The following DST variants were observed in gnomAD, a reference collection of about 807,000 sequenced individuals.
DST encodes bullous pemphigoid antigen.
DST carries 253 observed loss-of-function variants against 875.2 expected under a neutral mutation model. That is an observed-to-expected ratio of 0.29 (90% CI 0.26 to 0.32). DST has a LOEUF of 0.32. Among genes scored for constraint, DST ranks in the 10% least tolerant of loss-of-function variants. DST has a pLI of 1.00. For missense variants in DST, 8,287 were observed against 9,111.6 expected (o/e 0.91, Z 3.68); for synonymous variants, 3,124 against 3,197.1 (o/e 0.98, Z 0.77).
At chr6:56,791,539 C>T (rs1189857091) in intron 4 of DST, among the ~76,000 whole-genome samples, 1 of 152,134 alleles carries the variant, frequency 6.6e-6, no homozygotes, top group Non-Finnish European at 1.5e-5. Flanking sequence ...GTAATCCCCA[C>T]ACTTTGGGAG....
At chr6:56,720,626 C>A (rs1332849113) in intron 5 of DST, among the ~76,000 whole-genome samples, 3 of 152,090 alleles carry the variant, frequency 2.0e-5, no homozygotes, top group African/African-American at 7.2e-5. Flanking sequence ...ATCCATTTAA[C>A]CCTGAGTGGA....
rs111734437 is a variant in DST at position 56,489,965 on chromosome 6, T to C, written c.20758-356A>G. Among the ~76,000 whole-genome samples, 978 of 152,272 alleles carry C rather than the reference T, an allele frequency of 6.4e-3. 10 individuals carry two copies. Among genetic ancestry groups the C allele is most frequent in the African/African-American group, 0.022 (925 of 41,568 alleles). On this transcript the variant is annotated intron_variant, in intron 85 of 103. Transcript: ENST00000680361. ...CAGAAAATGTTTTGTATTTTTGTTG[T>C]TGCTGTTGTTTACTGCTGTCTGTTG... is the stretch of plus-strand genomic sequence containing the variant.
chr6:56,610,889 A>T (rs1394828840), intron 38 of DST, among the ~76,000 whole-genome samples: 2 of 152,180 alleles, frequency 1.3e-5, no homozygotes, highest in African/African-American at 4.8e-5. Context: ...AAAAGGGACA[A>T]TAAGGTACCA....
chr6:56,462,524 C>G (rs1330964760), intron 102 of DST, among the ~76,000 whole-genome samples: 4 of 152,186 alleles, frequency 2.6e-5, no homozygotes, highest in African/African-American at 7.2e-5. Context: ...TATGTCACAC[C>G]TGCCCAAAGT....
chr6:56,507,333 A>G (rs1042097268), intron 75 of DST, among the ~76,000 whole-genome samples: 45 of 152,212 alleles, frequency 3.0e-4, no homozygotes, highest in African/African-American at 1.1e-3. Context: ...TTCATTCAAC[A>G]AACACTGAAT....
In DST at chr6:56,714,503, T is replaced by C. The variant is rs973319414; in HGVS notation, c.688-10134A>G. On this transcript the variant is annotated intron_variant, in intron 5 of 103. Transcript: ENST00000680361. This position sits in a 1 kb window ranked among gnomAD's most constrained non-coding sequence, Gnocchi z 4.5. Reference sequence around the variant, plus strand: ...CTGCACTGATGTCTCTTACTAAAGCTGAAATCTAAGTGGAAGTTATTTTCT... The same window carrying C: ...CTGCACTGATGTCTCTTACTAAAGCCGAAATCTAAGTGGAAGTTATTTTCT... 6.6e-6 allele frequency among the ~76,000 whole-genome samples: 1 copy of C among 152,210 alleles called. No homozygotes were observed. The highest frequency in any genetic ancestry group is 2.4e-5 in the African/African-American group (1 of 41,456).
Position 56,529,980 on chromosome 6 carries a change from C to T in DST, c.17262G>A (p.Gln5754=). ...QASKLEEQIA[Q]HKALEDDIIN... ...TGTGTGATTTATATCTTACTTTGTG[C>T]TGTGCAATTTGTTCCTCAAGTTTAG... The change falls in exon 65 of 104, where the codon CAG becomes CAA. Residue 5754 remains glutamine (Q), a synonymous_variant. Coordinates refer to ENST00000680361, the MANE Select transcript of DST (RefSeq NM_001374736.1). 2 of 1,613,116 alleles carry T rather than the reference C, an allele frequency of 1.2e-6. No individual in the cohort carries two copies. Among genetic ancestry groups the T allele is most frequent in the Non-Finnish European group, 1.7e-6 (2 of 1,179,520 alleles).
Position 56,688,131 on chromosome 6 carries a change from C to T in DST, c.1047+11522G>A, listed in dbSNP as rs142162444. On this transcript the variant is annotated intron_variant, in intron 9 of 103. Coordinates refer to ENST00000680361, the MANE Select transcript of DST (RefSeq NM_001374736.1). ...TACAATTATTCTAAAACTATATTTT[C>T]ACAAACTGGTTATGAAATCTAAATG... Among the ~76,000 whole-genome samples the T allele has an allele frequency of 5.4e-3, 829 of 152,260 alleles. 3 individuals carry two copies. Among genetic ancestry groups the T allele is most frequent in the African/African-American group, 0.019 (789 of 41,550 alleles).
intron 3 of DST, among the ~76,000 whole-genome samples, chr6:56,861,398 ACT>A (rs1461299372): frequency 6.6e-6 from 1 of 151,888 alleles, no homozygotes; most frequent in Admixed American, 6.6e-5. Flanking sequence ...TTGGTGGAAA[ACT>A]CTGCTCAGGT....
At position 56,616,144 on chromosome 6, in the gene DST, C is replaced by T. The variant is rs767241595; in HGVS notation, c.4930-1660G>A. 5.9e-5 allele frequency: 95 copies of T among 1,614,066 alleles called. No homozygotes were observed. Among genetic ancestry groups the T allele is most frequent in the Non-Finnish European group, 7.5e-5 (89 of 1,180,034 alleles). ...CTGCAACAGGACTGTGCAAATCTTT[C>T]TTGGGGACTAACCGGCTCAGCAAAG... On this transcript the variant is annotated intron_variant, in intron 36 of 103. Transcript: ENST00000680361.
chr6:56,930,441 A>C (rs1382906339), intron 2 of DST, among the ~76,000 whole-genome samples: 3 of 152,242 alleles, frequency 2.0e-5, no homozygotes, highest in African/African-American at 7.2e-5. Flanking sequence ...ATCTCATGAG[A>C]AACTGGATTT....
chr6:56,645,386 G>A (rs941538842), intron 15 of DST, among the ~76,000 whole-genome samples: 4 of 152,186 alleles, frequency 2.6e-5, no homozygotes, highest in African/African-American at 9.7e-5. Flanking sequence ...GTAGAAGCGT[G>A]GCAGAAAGGG....
At chr6:56,578,696 A>C in intron 50 of DST, 118 bp downstream of exon 50, 2 of 1,051,652 alleles carry the variant, frequency 1.9e-6, no homozygotes, top group South Asian at 1.9e-5. Flanking sequence ...ACCATTTCAC[A>C]GAGAAAGAGC....
intron 78 of DST, 140 bp from the exon 79 acceptor site, chr6:56,501,833 C>T (rs1488885347): frequency 6.4e-5 from 34 of 527,466 alleles, no homozygotes; most frequent in Non-Finnish European, 4.4e-5. Context: ...TCACATGAGG[C>T]TTACCAATGG....
intron 49 of DST, among the ~76,000 whole-genome samples, chr6:56,586,358 C>A (rs1239324123): frequency 6.6e-6 from 1 of 151,662 alleles, no homozygotes; most frequent in Non-Finnish European, 1.5e-5. Flanking sequence ...TAATGGCCTT[C>A]TTTGTCTCTT....
intron 98 of DST, chr6:56,467,278 A>T (rs926361719): frequency 6.6e-6 from 1 of 152,148 alleles, no homozygotes; most frequent in African/African-American, 2.4e-5. Flanking sequence ...GGTAGAAAAA[A>T]ATCTGCTACT....
rs2095976013 is a variant in DST at position 56,497,886 on chromosome 6, C to T, written c.20064G>A (p.Arg6688=). ...WQNVLEKTEQ[R]KQQLDGALRQ... is the part of the protein sequence containing the mutation. ...GCAAGGCACCATCCAGCTGCTGCTT[C>T]CTTTGTTCTGTTTTTTCCAAAACAT... The change falls in exon 81 of 104, where the codon AGG becomes AGA. Residue 6688 remains arginine, a synonymous_variant. Transcript: ENST00000680361. The T allele has an allele frequency of 1.9e-6, 3 of 1,612,546 alleles. No individual in the cohort carries two copies. The highest frequency in any genetic ancestry group is 1.1e-5 in the South Asian group (1 of 90,856).
intron 15 of DST, 113 bp from the exon 16 acceptor site, chr6:56,642,616 C>A: frequency 6.2e-7 from 1 of 1,614,106 alleles, no homozygotes; most frequent in Non-Finnish European, 8.5e-7. Context: ...ACCAATGATT[C>A]AATACCTGTG....
chr6:56,660,285 G>A (rs979305319), intron 10 of DST, among the ~76,000 whole-genome samples: 2 of 152,162 alleles, frequency 1.3e-5, no homozygotes, highest in Non-Finnish European at 2.9e-5. Context: ...TGGCAAAATA[G>A]TACATACTCA....
Sources: gnomAD v4.1 joint callset for allele counts (sites outside exome capture counted in the v4.1 genomes callset) on GRCh38, gnomAD v4.1.1 for gene constraint, Gnocchi (gnomAD v3.1) non-coding constraint, MANE v1.5 for transcripts, NCBI Gene and HGNC (gene_info 2026-07-23, HGNC 2026-07-21) for gene names.